Variants in DYSF observed in about 807,000 individuals in gnomAD.
DYSF encodes dysferlin, also known as dystrophy-associated fer-1-like 1.
DYSF carries 212 observed loss-of-function variants against 274.9 expected under a neutral mutation model. The ratio of observed to expected loss-of-function variants is 0.77; its 90% CI spans 0.69 to 0.86. The LOEUF (loss-of-function observed/expected upper bound fraction) is 0.86. Among genes scored for constraint, DYSF ranks in the 40% least tolerant of loss-of-function variants. The pLI is 0.00. For missense variants in DYSF, 2,666 were observed against 2,783.2 expected, an observed-to-expected ratio of 0.96 and a Z score of 0.95; for synonymous variants, 1,091 against 1,078.7, an observed-to-expected ratio of 1.01 and a Z score of -0.22.
At chr2:71,604,187 C>T (rs2093606128) in intron 36 of DYSF, among the ~76,000 whole-genome samples, 1 of 152,132 alleles carries the variant, frequency 6.6e-6, no homozygotes. Context: ...CAGAAGATGA[C>T]CTTGTGACCT....
Position 71,470,777 on chromosome 2 carries a change from CTTCCTTCA to C in DYSF, c.91+3852_91+3859del, listed in dbSNP as rs1382927776. On this transcript the variant is annotated intron_variant, in intron 1 of 55. Transcript: ENST00000410020. ...CCTTCCTTCCTTCCTTCCTTCCTTC[CTTCCTTCA>C]TTCCTTCCTTCTTTTTTTTTTTTGA... 1.2e-3 allele frequency among the ~76,000 whole-genome samples: 155 copies of C among 125,628 alleles called. 1 individual carries two copies. Among genetic ancestry groups the C allele is most frequent in the African/African-American group, 2.5e-3 (76 of 30,058 alleles). The allele number at this position is 125,628 out of a possible 152,430, so 82.4% of individuals were successfully genotyped here.
intron 17 of DYSF, among the ~76,000 whole-genome samples, chr2:71,543,382 C>T (rs531970223): frequency 1.3e-5 from 2 of 150,900 alleles, no homozygotes; most frequent in South Asian, 4.2e-4. Context: ...CCAGACTGGG[C>T]AGCCGGGCAG....
intron 51 of DYSF, among the ~76,000 whole-genome samples, chr2:71,671,132 A>G (rs1395645781): frequency 6.6e-6 from 1 of 152,186 alleles, no homozygotes; most frequent in Non-Finnish European, 1.5e-5. Flanking sequence ...AGAGAAAGCA[A>G]AATGTTCCGC....
chr2:71,660,478 C>A, intron 44 of DYSF, 82 bp from the exon 45 acceptor site: 1 of 1,214,668 alleles, frequency 8.2e-7, no homozygotes, highest in South Asian at 1.2e-5. Flanking sequence ...TCCCTCATCC[C>A]ATCCAGAGGC....
intron 30 of DYSF, among the ~76,000 whole-genome samples, chr2:71,580,275 A>G (rs1030458359): frequency 2.0e-5 from 3 of 152,206 alleles, no homozygotes; most frequent in African/African-American, 7.2e-5. Flanking sequence ...AAACCTCCAG[A>G]GGGTTGGTGG....
At position 71,553,899 on chromosome 2, in the gene DYSF, C is replaced by T. The variant is rs2152792645; in HGVS notation, c.2077C>T (p.Gln693Ter). ...WEDISHRIET[Q>*]NQLLGIADRL... ...GGACATCAGCCATAGAATCGAGACT[C>T]AGAACCAGCTGCTTGGGATTGCTGA... is the stretch of plus-strand genomic sequence containing the variant. Residue 693 changes from glutamine to a stop codon, truncating the protein, a stop_gained, in exon 21 of 56, where the codon CAG (glutamine) becomes TAG (stop). Transcript: ENST00000410020. LOFTEE classifies it high-confidence loss of function. The T allele has an allele frequency of 6.2e-7, 1 of 1,614,184 alleles. No individual in the cohort carries two copies. The highest frequency in any genetic ancestry group is 8.5e-7 in the Non-Finnish European group (1 of 1,180,038).
At chr2:71,503,432 A>G (rs1171806139) in intron 4 of DYSF, 113 bp downstream of exon 4, 5 of 1,109,462 alleles carry the variant, frequency 4.5e-6, no homozygotes, top group Non-Finnish European at 6.8e-6. Context: ...GCTCCCTTGA[A>G]GCAGGCCTGG....
chr2:71,551,538 A>G, intron 18 of DYSF, 69 bp from the exon 19 acceptor site: 1 of 1,358,970 alleles, frequency 7.4e-7, no homozygotes, highest in South Asian at 1.2e-5. Flanking sequence ...TCAGGGCCAG[A>G]GGGTGCCCCT....
intron 3 of DYSF, among the ~76,000 whole-genome samples, chr2:71,500,845 A>G (rs2084905854): frequency 1.3e-5 from 2 of 151,926 alleles, no homozygotes; most frequent in African/African-American, 4.8e-5. Context: ...GGGAACCTAG[A>G]TACCCGGGTC....
chr2:71,643,837 C>T (rs891238032), intron 41 of DYSF, 128 bp from the exon 42 acceptor site: 1 of 745,242 alleles, frequency 1.3e-6, no homozygotes, highest in African/African-American at 1.7e-5. Context: ...CTCTGCTCCC[C>T]CACATCACCC....
At chr2:71,625,131 ATTAG>A (rs149682549) in intron 41 of DYSF, among the ~76,000 whole-genome samples, 5,050 of 148,710 alleles carry the variant, frequency 0.034, 148 homozygotes, top group Admixed American at 0.098. Context: ...ATTATAATAG[ATTAG>A]TTTCTTTAAT....
Position 71,515,700 on chromosome 2 carries a change from G to A in DYSF, c.837G>A (p.Gly279=). 6.2e-7 allele frequency: 1 copy of A among 1,614,118 alleles called. No homozygotes were observed. The highest frequency in any genetic ancestry group is 1.1e-5 in the South Asian group (1 of 91,076). The part of the protein sequence containing the change: ...IKPVVKVTAA[G]QTKRTRIHKG... ...CTGTGGTCAAGGTTACCGCTGCAGGGCAGACCAAGCGGACGCGGATCCACA... is the reference window on the plus strand; with the variant it reads ...CTGTGGTCAAGGTTACCGCTGCAGGACAGACCAAGCGGACGCGGATCCACA... Residue 279 remains glycine, a synonymous_variant, in exon 8 of 56, where the codon GGG becomes GGA. Coordinates refer to ENST00000410020, the MANE Select transcript of DYSF (RefSeq NM_001130987.2).
rs775395972 is a variant in DYSF at position 71,551,163 on chromosome 2, C to T, written c.1692+7C>T. ...AGAGCTCAACACAGGCAAGGTAAGCCGGCTGGAGCCCTGGCAAGGGCAGGA... is the reference window on the plus strand; with the variant it reads ...AGAGCTCAACACAGGCAAGGTAAGCTGGCTGGAGCCCTGGCAAGGGCAGGA... On this transcript the variant is annotated splice_region_variant and intron_variant, in intron 18 of 55. Coordinates refer to ENST00000410020, the MANE Select transcript of DYSF (RefSeq NM_001130987.2). 2.6e-5 allele frequency: 42 copies of T among 1,613,612 alleles called. No homozygotes were observed. Among genetic ancestry groups the T allele is most frequent in the Non-Finnish European group, 3.1e-5 (37 of 1,179,686 alleles).
intron 14 of DYSF, among the ~76,000 whole-genome samples, chr2:71,529,173 C>T (rs1221387771): frequency 6.6e-6 from 1 of 152,224 alleles, no homozygotes; most frequent in African/African-American, 2.4e-5. Flanking sequence ...GTACAACCAT[C>T]AAAGGCAGAA....
intron 52 of DYSF, among the ~76,000 whole-genome samples, chr2:71,677,837 GGT>G (rs934751686): frequency 2.0e-5 from 3 of 152,122 alleles, no homozygotes; most frequent in Admixed American, 6.5e-5. Flanking sequence ...TCCTACTCCA[GGT>G]GTGTGTGTAC....
chr2:71,608,109 G>A (rs543380452), intron 36 of DYSF, among the ~76,000 whole-genome samples: 2 of 152,092 alleles, frequency 1.3e-5, no homozygotes, highest in South Asian at 2.1e-4. Flanking sequence ...AGTGTCCTTC[G>A]GGTAGGGGAC....
intron 41 of DYSF, among the ~76,000 whole-genome samples, chr2:71,630,900 G>T (rs1320378859): frequency 6.6e-6 from 1 of 152,164 alleles, no homozygotes; most frequent in Non-Finnish European, 1.5e-5. Context: ...TCTTTCTCTG[G>T]ATTAATACAT....
chr2:71,624,535 G>A (rs116537570), intron 41 of DYSF, among the ~76,000 whole-genome samples: 1,816 of 152,148 alleles, frequency 0.012, 30 homozygotes, highest in African/African-American at 0.042. Flanking sequence ...TTGCTGAAAG[G>A]CCCTAAAATA....
intron 30 of DYSF, among the ~76,000 whole-genome samples, chr2:71,575,493 G>T (rs954465913): frequency 3.3e-5 from 5 of 152,166 alleles, no homozygotes; most frequent in African/African-American, 9.7e-5. Flanking sequence ...TCCGGCCAGG[G>T]TCGGGCAGGA....
Sources: allele counts gnomAD v4.1 joint callset (sites outside exome capture counted in the v4.1 genomes callset), GRCh38; gene constraint gnomAD v4.1.1; transcripts MANE v1.5; gene names NCBI Gene and HGNC (gene_info 2026-07-23, HGNC 2026-07-21).